RPAP2: variants seen among roughly 807,000 people sequenced by gnomAD.
The protein encoded by RPAP2 is RNA polymerase II associated protein 2.
In RPAP2, 52 loss-of-function variants were observed where a neutral mutation model predicts 73.1. That is an observed-to-expected ratio of 0.71 (90% CI 0.57 to 0.90). The LOEUF is 0.90. Ranked by LOEUF, RPAP2 falls within the 40% of genes least tolerant of loss-of-function variation. The pLI, the probability that RPAP2 is intolerant of heterozygous loss-of-function variation, is 0.00. For synonymous variants in RPAP2, 225 were observed against 242.1 expected, an observed-to-expected ratio of 0.93 and a Z score of 0.65; for missense variants, 598 against 701.8, an observed-to-expected ratio of 0.85 and a Z score of 1.67.
At position 92,397,176 on chromosome 1, in the gene RPAP2, TC is replaced by T. The variant is rs1336735843; in HGVS notation, c.*10167del. The T allele has an allele frequency of 6.6e-6, 1 of 151,834 alleles. No homozygotes were observed. The highest frequency in any genetic ancestry group is 2.4e-5 in the African/African-American group (1 of 41,300). 9.4% of individuals were successfully genotyped at this position (151,834 alleles called of 1,614,324 possible). The stretch of plus-strand genomic sequence containing the variant: ...AGCCAAGATGGGCTGATTGCTTGAG[TC>T]CAGGAGTTTGAGACCAACTTGGGCA... On this transcript the variant is annotated 3_prime_UTR_variant, in exon 13 of 13. Coordinates refer to ENST00000610020, the MANE Select transcript of RPAP2 (RefSeq NM_024813.3).
chr1:92,369,101 T>C (rs1468683076), intron 11 of RPAP2, among the ~76,000 whole-genome samples: 3 of 152,208 alleles, frequency 2.0e-5, no homozygotes, highest in Non-Finnish European at 2.9e-5. Context: ...TTAAAAGCAA[T>C]TGAAAGAAAT....
rs1045592548 is a variant in RPAP2 at position 92,393,885 on chromosome 1, A to G, written c.*6874A>G. 3 of 152,214 alleles carry G rather than the reference A, an allele frequency of 2.0e-5. No homozygotes were observed. The highest frequency in any genetic ancestry group is 4.4e-5 in the Non-Finnish European group (3 of 68,046). 9.4% of individuals were successfully genotyped at this position (152,214 alleles called of 1,614,324 possible). A position where few individuals can be genotyped will look rare whatever the true frequency, so the allele number is the denominator to read the frequency against. ...GCTTTTACACTGTTGGTGGGAGTGC[A>G]AATTAGTCCGACCATTGTGGAAGTC... On this transcript the variant is annotated 3_prime_UTR_variant, in exon 13 of 13. Transcript: ENST00000610020.
intron 8 of RPAP2, 104 bp downstream of exon 8, chr1:92,324,479 T>A: frequency 1.2e-6 from 1 of 835,796 alleles, no homozygotes; most frequent in Non-Finnish European, 1.8e-6. Context: ...ATTGTTAAAT[T>A]TTCAAATAGT....
chr1:92,353,737 ATAAT>A (rs1287540197), intron 11 of RPAP2, among the ~76,000 whole-genome samples: 1 of 152,166 alleles, frequency 6.6e-6, no homozygotes, highest in Admixed American at 6.6e-5. Flanking sequence ...GGATTAAGCA[ATAAT>A]TAGATTATTT....
chr1:92,358,932 G>A (rs1654614788), intron 11 of RPAP2, among the ~76,000 whole-genome samples: 1 of 152,010 alleles, frequency 6.6e-6, no homozygotes, highest in Non-Finnish European at 1.5e-5. Context: ...AAAACAAATA[G>A]ACCTATCCTT....
chr1:92,355,572 C>T (rs568127051), intron 11 of RPAP2, among the ~76,000 whole-genome samples: 31 of 152,216 alleles, frequency 2.0e-4, no homozygotes, highest in Admixed American at 5.9e-4. Flanking sequence ...CAGGGAAATA[C>T]TAGTCAGTCA....
intron 11 of RPAP2, among the ~76,000 whole-genome samples, chr1:92,356,589 T>A: frequency 6.7e-6 from 1 of 150,026 alleles, no homozygotes; most frequent in Admixed American, 6.6e-5. Context: ...TGGCTAATTT[T>A]TTTTTTTTTT....
intron 10 of RPAP2, among the ~76,000 whole-genome samples, chr1:92,337,441 G>T (rs552081173): frequency 6.6e-6 from 1 of 152,194 alleles, no homozygotes; most frequent in South Asian, 2.1e-4. Context: ...TCTTTTACTA[G>T]AAAGAGCTTT....
chr1:92,313,941 T>C (rs1651746967), intron 6 of RPAP2, among the ~76,000 whole-genome samples: 1 of 152,212 alleles, frequency 6.6e-6, no homozygotes, highest in East Asian at 1.9e-4. Flanking sequence ...TTCTACCTAT[T>C]CTTCTGCAGC....
In RPAP2 at chr1:92,398,540, C is replaced by T. The variant is rs1431859325; in HGVS notation, c.*11529C>T. 6.6e-6 allele frequency: 1 copy of T among 152,152 alleles called. No individual in the cohort carries two copies. Among genetic ancestry groups the T allele is most frequent in the Non-Finnish European group, 1.5e-5 (1 of 68,038 alleles). The allele number at this position is 152,152 out of a possible 1,614,324, so 9.4% of individuals were successfully genotyped here. On this transcript the variant is annotated 3_prime_UTR_variant, in exon 13 of 13. Transcript: ENST00000610020. ...ATCTTTAGTAGCCTCACATTATAAG[C>T]CCTTCGTAGAAAAAGAAAAGTAAGC... is the stretch of plus-strand genomic sequence containing the variant.
At chr1:92,326,242 T>A (rs1225499797) in intron 8 of RPAP2, among the ~76,000 whole-genome samples, 2 of 152,160 alleles carry the variant, frequency 1.3e-5, no homozygotes, top group Non-Finnish European at 2.9e-5. Context: ...TTATAATACA[T>A]TACTGTGATG....
rs1482210160 is a variant in RPAP2 at position 92,352,333 on chromosome 1, C to T, written c.1688+6419C>T. On this transcript the variant is annotated intron_variant, in intron 11 of 12. Transcript: ENST00000610020. ...TCGCTAAACAAAAGCCATCACTGGA[C>T]ATAGGCAGCCACTTTAGGTAACCAT... is the stretch of plus-strand genomic sequence containing the variant. 3.3e-5 allele frequency among the ~76,000 whole-genome samples: 5 copies of T among 152,334 alleles called. No individual in the cohort carries two copies. In the South Asian group the frequency reaches 8.3e-4, roughly 25 times the overall value.
At chr1:92,364,384 G>T (rs77152703) in intron 11 of RPAP2, among the ~76,000 whole-genome samples, 4,793 of 152,224 alleles carry the variant, frequency 0.031, 136 homozygotes, top group Admixed American at 0.088. Flanking sequence ...ATATAAGGAA[G>T]AAAAGTAGAG....
At chr1:92,308,808 A>G (rs538913391) in intron 6 of RPAP2, among the ~76,000 whole-genome samples, 5 of 152,130 alleles carry the variant, frequency 3.3e-5, no homozygotes, top group Non-Finnish European at 7.4e-5. Context: ...AAAAATACAA[A>G]AATTAATTGG....
In RPAP2 at chr1:92,323,502, C is replaced by T. The variant is rs144141227; in HGVS notation, c.582C>T (p.Ile194=). The part of the protein sequence containing the change: ...LCSKAIKTSD[I]DNPSHFEKQY... ...GTAAAGCCATTAAAACATCAGATAT[C>T]GACAATCCTAGCCACTTTGAAAAGC... Residue 194 remains isoleucine (I), a synonymous_variant, in exon 8 of 13, where the codon ATC becomes ATT. Coordinates refer to ENST00000610020, the MANE Select transcript of RPAP2 (RefSeq NM_024813.3). 9 of 1,613,338 alleles carry T rather than the reference C, an allele frequency of 5.6e-6. No homozygotes were observed. The highest frequency in any genetic ancestry group is 4.5e-5 in the East Asian group (2 of 44,844).
At chr1:92,344,039 A>G (rs189732248) in intron 10 of RPAP2, among the ~76,000 whole-genome samples, 1 of 152,298 alleles carries the variant, frequency 6.6e-6, no homozygotes, top group East Asian at 1.9e-4. Context: ...GTAGATGTGT[A>G]TCCTTCTAGT....
intron 11 of RPAP2, among the ~76,000 whole-genome samples, chr1:92,360,089 A>G (rs544883430): frequency 6.6e-6 from 1 of 152,376 alleles, no homozygotes; most frequent in African/African-American, 2.4e-5. Flanking sequence ...ATTCAGACTC[A>G]GACCCTATCT....
chr1:92,307,274 G>A lies in RPAP2; in HGVS notation c.486G>A (p.Glu162=), dbSNP rs1651306635. 1 of 1,600,804 alleles carries A rather than the reference G, an allele frequency of 6.2e-7. No homozygotes were observed. Among genetic ancestry groups the A allele is most frequent in the Non-Finnish European group, 8.5e-7 (1 of 1,170,974 alleles). ...PKTPVWVREE[E]RHPDFQLLKE... ...CTCCAGTATGGGTTCGAGAAGAAGA[G>A]AGGTAATTTAAGTCATTGTGTATAT... The change falls in exon 6 of 13, where the codon GAG becomes GAA. Residue 162 remains glutamate, a splice_region_variant and synonymous_variant. Transcript: ENST00000610020.
chr1:92,351,359 T>C (rs60265386), intron 11 of RPAP2, among the ~76,000 whole-genome samples: 5,567 of 150,412 alleles, frequency 0.037, 269 homozygotes, highest in African/African-American at 0.11. Flanking sequence ...CATAAAATTA[T>C]ATTTTTTGAT....
Sources: gnomAD v4.1 joint callset for allele counts (sites outside exome capture counted in the v4.1 genomes callset) on GRCh38, gnomAD v4.1.1 for gene constraint, MANE v1.5 for transcripts, NCBI Gene and HGNC (gene_info 2026-07-23, HGNC 2026-07-21) for gene names.